CDV3: variants seen among roughly 807,000 people sequenced by gnomAD.
CDV3 encodes the protein CDV3 homolog.
Under a neutral mutation model 24.5 loss-of-function variants are expected in CDV3, and 14 were observed. The observed-to-expected ratio is 0.57, with a 90% CI of 0.38 to 0.89. The LOEUF (loss-of-function observed/expected upper bound fraction) is 0.89. Among genes scored for constraint, CDV3 ranks in the 40% least tolerant of loss-of-function variants. The pLI is 0.00. For synonymous variants in CDV3, 114 were observed against 114.1 expected (o/e 1.00, Z 0.00); for missense variants, 304 against 310.2 (o/e 0.98, Z 0.15).
At chr3:133,587,460 C>G (rs889782868) in intron 4 of CDV3, 4 of 1,143,278 alleles carry the variant, frequency 3.5e-6, no homozygotes, top group Non-Finnish European at 4.3e-6. Flanking sequence ...TTTACCTGAT[C>G]TAATCAGATC....
Position 133,574,302 on chromosome 3 carries a change from C to A in CDV3, c.240+18C>A. ...TGACGAAGGTGAGGGGCCGGGAGGC[C>A]GGCACTCGGGGCCCGGGCCGCGCGC... On this transcript the variant is annotated intron_variant, in intron 1 of 4. Transcript: ENST00000264993. 3.1e-6 allele frequency: 3 copies of A among 967,238 alleles called. No homozygotes were observed. Among genetic ancestry groups the A allele is most frequent in the Non-Finnish European group, 3.7e-6 (3 of 813,180 alleles). 59.9% of individuals were successfully genotyped at this position (967,238 alleles called of 1,614,324 possible). A position where few individuals can be genotyped will look rare whatever the true frequency, so the allele number is the denominator to read the frequency against.
intron 3 of CDV3, among the ~76,000 whole-genome samples, chr3:133,586,135 G>C (rs1933579451): frequency 6.6e-6 from 1 of 152,030 alleles, no homozygotes; most frequent in African/African-American, 2.4e-5. Context: ...TCCTTCTGTT[G>C]CCCAGGCTGG....
At chr3:133,578,759 C>T (rs991715160) in intron 2 of CDV3, among the ~76,000 whole-genome samples, 2 of 152,228 alleles carry the variant, frequency 1.3e-5, no homozygotes, top group South Asian at 4.1e-4. Flanking sequence ...TGGAGATGCC[C>T]GGTATTCCAG....
At chr3:133,580,627 G>A (rs139539273) in intron 2 of CDV3, among the ~76,000 whole-genome samples, 1,698 of 152,220 alleles carry the variant, frequency 0.011, 31 homozygotes, top group African/African-American at 0.037. Context: ...GCTTGAACCC[G>A]GGAGGCAGAG....
chr3:133,588,611 G>C lies in CDV3; in HGVS notation c.*565G>C. 1.8e-6 allele frequency: 1 copy of C among 568,156 alleles called. No individual in the cohort carries two copies. The highest frequency in any genetic ancestry group is 3.1e-6 in the Non-Finnish European group (1 of 318,590). The allele number at this position is 568,156 out of a possible 1,614,324, so 35.2% of individuals were successfully genotyped here. Reference sequence around the variant, plus strand: ...CTACCCTTAAGGAATACTCTCTGTAGTAGGCTGTTGTTATATTAGACTTCC... The same window carrying C: ...CTACCCTTAAGGAATACTCTCTGTACTAGGCTGTTGTTATATTAGACTTCC... On this transcript the variant is annotated 3_prime_UTR_variant, in exon 5 of 5. Coordinates refer to ENST00000264993, the MANE Select transcript of CDV3 (RefSeq NM_017548.5).
Position 133,588,168 on chromosome 3 carries a change from C to T in CDV3, c.*122C>T. On this transcript the variant is annotated 3_prime_UTR_variant, in exon 5 of 5. Coordinates refer to ENST00000264993, the MANE Select transcript of CDV3 (RefSeq NM_017548.5). ...CGATGCAGACCACTCGATTTCATGA[C>T]CGGCCCTATTGCACTATGGAAGTTA... The T allele has an allele frequency of 6.5e-7, 1 of 1,543,568 alleles. No individual in the cohort carries two copies. Among genetic ancestry groups the T allele is most frequent in the South Asian group, 1.3e-5 (1 of 78,948 alleles).
intron 2 of CDV3, among the ~76,000 whole-genome samples, chr3:133,576,841 CTTTTTTTTTTT>C (rs370619351): frequency 1.6e-5 from 1 of 62,392 alleles, no homozygotes; most frequent in Non-Finnish European, 2.8e-5. Context: ...GGTAGACTAG[CTTTTTTTTTTT>C]TTTTTTTTTT....
chr3:133,580,015 C>G (rs2107712488), intron 2 of CDV3, among the ~76,000 whole-genome samples: 1 of 152,300 alleles, frequency 6.6e-6, no homozygotes, highest in Admixed American at 6.5e-5. Flanking sequence ...TACATGTACA[C>G]AACGTGCAGG....
At chr3:133,584,275 A>G in intron 3 of CDV3, 125 bp downstream of exon 3, 1 of 660,026 alleles carries the variant, frequency 1.5e-6, no homozygotes, top group Non-Finnish European at 2.6e-6. Context: ...CATTCCTGGT[A>G]GAGTGGGATG....
intron 4 of CDV3, chr3:133,587,389 T>G: frequency 8.2e-7 from 1 of 1,213,878 alleles, no homozygotes; most frequent in South Asian, 3.8e-5. Flanking sequence ...GCTCCTCTGC[T>G]CTGTCTTAAA....
At chr3:133,587,401 A>G in intron 4 of CDV3, 1 of 1,201,552 alleles carries the variant, frequency 8.3e-7, no homozygotes, top group Middle Eastern at 3.3e-4. Context: ...TGTCTTAAAA[A>G]ATGTGTAAGG....
chr3:133,590,130 T>A lies in CDV3; in HGVS notation c.*2084T>A, dbSNP rs1479014984. 1 of 152,150 alleles carries A rather than the reference T, an allele frequency of 6.6e-6. No homozygotes were observed. Among genetic ancestry groups the A allele is most frequent in the Non-Finnish European group, 1.5e-5 (1 of 68,008 alleles). 9.4% of individuals were successfully genotyped at this position (152,150 alleles called of 1,614,324 possible). A position where few individuals can be genotyped will look rare whatever the true frequency, so the allele number is the denominator to read the frequency against. On this transcript the variant is annotated 3_prime_UTR_variant, in exon 5 of 5. Coordinates refer to ENST00000264993, the MANE Select transcript of CDV3 (RefSeq NM_017548.5). The stretch of plus-strand genomic sequence containing the variant: ...GTGAAAATATCAAAATATAAATGAA[T>A]CAAGTTTTAATATACTGTATGATGG...
chr3:133,583,560 G>GT (rs1025780775), intron 2 of CDV3, among the ~76,000 whole-genome samples: 1 of 151,872 alleles, frequency 6.6e-6, no homozygotes. Context: ...GGCACATCAG[G>GT]TTTTTTTTAT....
chr3:133,576,253 C>CT (rs1404264851), intron 2 of CDV3, among the ~76,000 whole-genome samples: 1 of 152,220 alleles, frequency 6.6e-6, no homozygotes, highest in Non-Finnish European at 1.5e-5. Context: ...CTTCTCCACT[C>CT]TTGAGATTTC....
chr3:133,574,393 G>T (rs1671249129), intron 1 of CDV3, 109 bp downstream of exon 1: 1 of 951,100 alleles, frequency 1.1e-6, no homozygotes, highest in Non-Finnish European at 1.3e-6. Flanking sequence ...GAGGCCGGGC[G>T]GACGGGCGCG....
intron 2 of CDV3, among the ~76,000 whole-genome samples, chr3:133,577,549 G>C (rs890040693): frequency 6.6e-6 from 1 of 151,866 alleles, no homozygotes; most frequent in Non-Finnish European, 1.5e-5. Context: ...TAGTAGAGAC[G>C]GGGTTTCTCC....
intron 2 of CDV3, among the ~76,000 whole-genome samples, chr3:133,579,993 T>C (rs1033467372): frequency 1.3e-5 from 2 of 152,226 alleles, no homozygotes; most frequent in Non-Finnish European, 2.9e-5. Flanking sequence ...TATTATACTT[T>C]AAGTTCTAGG....
intron 2 of CDV3, among the ~76,000 whole-genome samples, chr3:133,579,327 T>C (rs2074931146): frequency 6.6e-6 from 1 of 152,254 alleles, no homozygotes; most frequent in African/African-American, 2.4e-5. Flanking sequence ...TGTTTGTTTA[T>C]AAAATTTAGC....
Position 133,588,098 on chromosome 3 carries a change from A to G in CDV3, c.*52A>G. 3 of 1,588,310 alleles carry G rather than the reference A, an allele frequency of 1.9e-6. No homozygotes were observed. The highest frequency in any genetic ancestry group is 2.6e-6 in the Non-Finnish European group (3 of 1,167,876). The stretch of plus-strand genomic sequence containing the variant: ...GGTAACTAGACTGCAGCTAACCACC[A>G]CCAACAGCCATTCATCATCTGATCT... On this transcript the variant is annotated 3_prime_UTR_variant, in exon 5 of 5. Coordinates refer to ENST00000264993, the MANE Select transcript of CDV3 (RefSeq NM_017548.5).
Sources: gnomAD v4.1 joint callset for allele counts (sites outside exome capture counted in the v4.1 genomes callset) on GRCh38, gnomAD v4.1.1 for gene constraint, MANE v1.5 for transcripts, NCBI Gene and HGNC (gene_info 2026-07-23, HGNC 2026-07-21) for gene names.